PHACTR1: variants seen among roughly 807,000 people sequenced by gnomAD.
PHACTR1 encodes RPEL repeat containing 1.
In PHACTR1, 16 loss-of-function variants were observed where a neutral mutation model predicts 69.2. That is an observed-to-expected ratio of 0.23 (90% CI 0.16 to 0.35). The LOEUF (loss-of-function observed/expected upper bound fraction) is 0.35, where lower values mean the gene tolerates loss of function less well. Ranked by LOEUF, PHACTR1 falls within the 10% of genes least tolerant of loss-of-function variation. PHACTR1 has a pLI of 1.00. For synonymous variants in PHACTR1, 312 were observed against 284.5 expected, an observed-to-expected ratio of 1.10 and a Z score of -0.97; for missense variants, 510 against 734.7, an observed-to-expected ratio of 0.69 and a Z score of 3.54.
intron 4 of PHACTR1, among the ~76,000 whole-genome samples, chr6:12,771,878 G>A (rs1258323657): frequency 6.6e-6 from 1 of 152,140 alleles, no homozygotes; most frequent in African/African-American, 2.4e-5. Context: ...TGGGGGAAGG[G>A]GTGTTCTGGG....
chr6:13,139,826 C>T (rs1316701982), intron 5 of PHACTR1, among the ~76,000 whole-genome samples: 8 of 152,096 alleles, frequency 5.3e-5, no homozygotes, highest in African/African-American at 1.9e-4. Flanking sequence ...ACCTTCATTT[C>T]CTTTTCTGGA....
intron 5 of PHACTR1, among the ~76,000 whole-genome samples, chr6:13,070,081 A>T (rs1809274985): frequency 6.6e-6 from 1 of 152,166 alleles, no homozygotes; most frequent in Non-Finnish European, 1.5e-5. Flanking sequence ...TCACCCTAGC[A>T]GGCTTCCCCT....
At chr6:13,242,144 C>A (rs1293059366) in intron 10 of PHACTR1, among the ~76,000 whole-genome samples, 5 of 152,080 alleles carry the variant, frequency 3.3e-5, no homozygotes, top group Non-Finnish European at 2.9e-5. Context: ...TGGAGTTAAG[C>A]CTAATGTGGA....
At chr6:12,799,461 G>A (rs138486765) in intron 4 of PHACTR1, among the ~76,000 whole-genome samples, 75 of 152,138 alleles carry the variant, frequency 4.9e-4, no homozygotes, top group African/African-American at 1.6e-3. Context: ...GAACTATATT[G>A]TCTTCCTGCT....
intron 4 of PHACTR1, among the ~76,000 whole-genome samples, chr6:13,018,712 T>G (rs1800527849): frequency 6.6e-6 from 1 of 152,066 alleles, no homozygotes; most frequent in Admixed American, 6.5e-5. Flanking sequence ...AGTGGTAGGT[T>G]CCACCTTGGG....
chr6:13,115,601 G>A (rs1323549771), intron 5 of PHACTR1, among the ~76,000 whole-genome samples: 2 of 152,168 alleles, frequency 1.3e-5, no homozygotes, highest in Non-Finnish European at 2.9e-5. Context: ...AAGTCAGAGA[G>A]GAAGAAAAGC....
chr6:13,092,789 G>T (rs945371623), intron 5 of PHACTR1, among the ~76,000 whole-genome samples: 1 of 152,216 alleles, frequency 6.6e-6, no homozygotes, highest in Non-Finnish European at 1.5e-5. Context: ...CTACCCATTA[G>T]CACAGTGTGG....
chr6:13,176,168 A>AT (rs1251014719), intron 6 of PHACTR1, among the ~76,000 whole-genome samples: 1 of 152,146 alleles, frequency 6.6e-6, no homozygotes, highest in Non-Finnish European at 1.5e-5. Context: ...GCAGCATGCA[A>AT]TTTTTTTGTA....
chr6:13,231,165 G>A (rs956994853), intron 10 of PHACTR1, among the ~76,000 whole-genome samples: 1 of 145,428 alleles, frequency 6.9e-6, no homozygotes. Flanking sequence ...GAGAAAGAGC[G>A]AAAGAGGAGG....
At chr6:12,930,586 C>T (rs1177803662) in intron 4 of PHACTR1, among the ~76,000 whole-genome samples, 3 of 152,130 alleles carry the variant, frequency 2.0e-5, no homozygotes, top group African/African-American at 7.2e-5. Flanking sequence ...GAAGAGAGCA[C>T]AGGAGCCTGA....
At chr6:12,967,534 A>C (rs1278628854) in intron 4 of PHACTR1, among the ~76,000 whole-genome samples, 1 of 152,226 alleles carries the variant, frequency 6.6e-6, no homozygotes, top group Non-Finnish European at 1.5e-5. Flanking sequence ...GAGAGAGAAA[A>C]GCAATGTTGC....
At chr6:12,879,079 A>G (rs1393295806) in intron 4 of PHACTR1, among the ~76,000 whole-genome samples, 1 of 152,166 alleles carries the variant, frequency 6.6e-6, no homozygotes, top group African/African-American at 2.4e-5. Flanking sequence ...TCTTGCTTAC[A>G]GTCATGTTTC....
intron 7 of PHACTR1, among the ~76,000 whole-genome samples, chr6:13,188,071 T>G (rs981652156): frequency 5.3e-5 from 8 of 152,174 alleles, no homozygotes; most frequent in Non-Finnish European, 1.2e-4. Context: ...CCTGGTCCTT[T>G]CCTGAGAGAG....
intron 7 of PHACTR1, among the ~76,000 whole-genome samples, chr6:13,199,758 AT>A (rs1175330083): frequency 6.6e-6 from 1 of 152,204 alleles, no homozygotes; most frequent in Non-Finnish European, 1.5e-5. Context: ...AGAATAAAAG[AT>A]TTTATTTCTA....
chr6:12,719,761 A>G (rs906042990), intron 3 of PHACTR1, among the ~76,000 whole-genome samples: 11 of 152,304 alleles, frequency 7.2e-5, no homozygotes, highest in African/African-American at 2.2e-4. Flanking sequence ...CACGCCACTG[A>G]TAATATCCTG....
At chr6:12,942,338 A>G (rs917631782) in intron 4 of PHACTR1, among the ~76,000 whole-genome samples, 2 of 152,254 alleles carry the variant, frequency 1.3e-5, no homozygotes, top group Non-Finnish European at 2.9e-5. Context: ...TAGAAACACA[A>G]TACAAGCTAA....
chr6:13,223,453 C>T (rs973859993), intron 8 of PHACTR1, among the ~76,000 whole-genome samples: 2 of 152,130 alleles, frequency 1.3e-5, no homozygotes, highest in East Asian at 3.8e-4. Flanking sequence ...CTGGTCATGG[C>T]AGGGTAGAAT....
chr6:12,781,193 A>C (rs775523017), intron 4 of PHACTR1, among the ~76,000 whole-genome samples: 13 of 152,160 alleles, frequency 8.5e-5, no homozygotes, highest in Non-Finnish European at 5.9e-5. Context: ...CTGTGCACAG[A>C]CCTAGAGGCA....
chr6:13,113,400 C>T (rs1390662268), intron 5 of PHACTR1, among the ~76,000 whole-genome samples: 1 of 152,136 alleles, frequency 6.6e-6, no homozygotes, highest in African/African-American at 2.4e-5. Context: ...CAGATCATTA[C>T]AATTTCAACC....
Sources: allele counts gnomAD v4.1 joint callset (sites outside exome capture counted in the v4.1 genomes callset), GRCh38; gene constraint gnomAD v4.1.1; transcripts MANE v1.5; gene names NCBI Gene and HGNC (gene_info 2026-07-23, HGNC 2026-07-21).